The following GSDMB variants were observed in gnomAD, a reference collection of about 807,000 sequenced individuals.
GSDMB encodes gasdermin-B.
A neutral mutation model predicts 42.9 loss-of-function variants in GSDMB; 32 were observed. The ratio of observed to expected loss-of-function variants is 0.75; its 90% CI spans 0.56 to 1.00. The LOEUF (loss-of-function observed/expected upper bound fraction) is 1.00. Among genes scored for constraint, GSDMB ranks in the 50% least tolerant of loss-of-function variants. The probability of loss-of-function intolerance (pLI) is 0.00; values close to 1 mark genes in which losing one functional copy is unlikely to be tolerated. For synonymous variants in GSDMB, 175 were observed against 193.7 expected (o/e 0.90, Z 0.80); for missense variants, 468 against 498.5 (o/e 0.94, Z 0.58).
chr17:39,917,613 T>C (rs1738818178), intron 1 of GSDMB: 1 of 375,420 alleles, frequency 2.7e-6, no homozygotes, highest in Admixed American at 3.9e-5. Context: ...AGGTACTTTG[T>C]AATATTCTCC....
chr17:39,906,723 G>C (rs11078926), intron 7 of GSDMB: 20 of 1,242,906 alleles, frequency 1.6e-5, no homozygotes, highest in Non-Finnish European at 2.0e-5. Context: ...TTCTGGAGAC[G>C]GGACTCAGTC....
intron 3 of GSDMB, among the ~76,000 whole-genome samples, chr17:39,910,249 G>A (rs957771778): frequency 4.6e-5 from 7 of 152,220 alleles, no homozygotes; most frequent in African/African-American, 1.2e-4. Flanking sequence ...ACTTGAACCC[G>A]GGAGGCGGAG....
At chr17:39,907,030 T>G (rs776993890) in intron 6 of GSDMB, 43 bp from the exon 7 acceptor site, 9 of 1,613,304 alleles carry the variant, frequency 5.6e-6, no homozygotes, top group Non-Finnish European at 6.8e-6. Flanking sequence ...TCAGATCACC[T>G]CCAGTCCCCT....
At chr17:39,908,358 GTTT>G in intron 5 of GSDMB, 144 bp from the exon 6 acceptor site, 1 of 569,994 alleles carries the variant, frequency 1.8e-6, no homozygotes. Context: ...ACTGTTTTTT[GTTT>G]TTGTTTTTGT....
intron 2 of GSDMB, among the ~76,000 whole-genome samples, chr17:39,915,397 T>A (rs549880092): frequency 6.6e-6 from 1 of 152,370 alleles, no homozygotes; most frequent in African/African-American, 2.4e-5. Context: ...ATTTTCTTTT[T>A]AAGTTTGGTT....
chr17:39,912,519 T>A (rs746763419), intron 2 of GSDMB, 22 bp from the exon 3 acceptor site: 2 of 1,599,178 alleles, frequency 1.3e-6, no homozygotes, highest in South Asian at 2.2e-5. Flanking sequence ...ATGATAAAGG[T>A]CACTCTGGAG....
intron 2 of GSDMB, among the ~76,000 whole-genome samples, chr17:39,914,615 T>G (rs1017217486): frequency 4.6e-5 from 7 of 151,492 alleles, no homozygotes; most frequent in Admixed American, 2.0e-4. Flanking sequence ...TACAAAAAAT[T>G]TGCCAGGTGT....
At chr17:39,907,290 C>G in intron 6 of GSDMB, 1 of 893,122 alleles carries the variant, frequency 1.1e-6, no homozygotes, top group South Asian at 2.5e-5. Context: ...TTCTCTATCC[C>G]TTTCCAAGCT....
At chr17:39,915,130 C>T (rs1468007816) in intron 2 of GSDMB, among the ~76,000 whole-genome samples, 2 of 152,220 alleles carry the variant, frequency 1.3e-5, no homozygotes, top group South Asian at 2.1e-4. Flanking sequence ...CGCCATCATG[C>T]CCAGCTAATT....
Position 39,904,977 on chromosome 17 carries a change from C to T in GSDMB, c.1099-13G>A. 1 of 1,611,966 alleles carries T rather than the reference C, an allele frequency of 6.2e-7. No homozygotes were observed. Among genetic ancestry groups the T allele is most frequent in the Non-Finnish European group, 8.5e-7 (1 of 1,178,338 alleles). ...TGACAGATTTCACCTGGAAGGAAAC[C>T]CCCCAGATTGTAACAGCTAGGAACA... On this transcript the variant is annotated splice_polypyrimidine_tract_variant and intron_variant, in intron 10 of 10. Transcript: ENST00000418519.
intron 2 of GSDMB, among the ~76,000 whole-genome samples, chr17:39,913,037 G>A (rs1598278694): frequency 6.6e-6 from 1 of 152,098 alleles, no homozygotes; most frequent in African/African-American, 2.4e-5. Flanking sequence ...AACCCAGGAG[G>A]CGGAGGTTGC....
At chr17:39,908,820 C>A (rs1598275387) in intron 5 of GSDMB, 138 bp downstream of exon 5, 1 of 689,424 alleles carries the variant, frequency 1.5e-6, no homozygotes. Flanking sequence ...TGAACCCACC[C>A]TTTTCCCTGG....
Position 39,906,273 on chromosome 17 carries a change from T to G in GSDMB, c.728-2A>C. ...AATCCTCCGAACCCAAAGACTTTCCTGTAGAGGCAGCAATTGAGAACCTGG... is the reference window on the plus strand; with the variant it reads ...AATCCTCCGAACCCAAAGACTTTCCGGTAGAGGCAGCAATTGAGAACCTGG... On this transcript the variant is annotated splice_acceptor_variant, in intron 7 of 10. Transcript: ENST00000418519. LOFTEE classifies it high-confidence loss of function. The G allele has an allele frequency of 6.2e-7, 1 of 1,613,988 alleles. No homozygotes were observed. The highest frequency in any genetic ancestry group is 8.5e-7 in the Non-Finnish European group (1 of 1,179,950).
chr17:39,915,310 T>C (rs1250758750), intron 2 of GSDMB, among the ~76,000 whole-genome samples: 1 of 152,238 alleles, frequency 6.6e-6, no homozygotes, highest in Non-Finnish European at 1.5e-5. Flanking sequence ...ATTATACAGT[T>C]ACAAAATAAC....
intron 3 of GSDMB, 141 bp from the exon 4 acceptor site, chr17:39,910,065 G>T: frequency 2.9e-6 from 2 of 685,758 alleles, no homozygotes; most frequent in Non-Finnish European, 5.0e-6. Flanking sequence ...GCACCCCATC[G>T]CAGTTCACTT....
chr17:39,905,989 G>A lies in GSDMB; in HGVS notation c.889-4C>T. ...CGGAAATCAGGACCTCAGATACCTA[G>A]GGCCAGGAAGTGTGGGAGATGAGCA... On this transcript the variant is annotated splice_region_variant and splice_polypyrimidine_tract_variant and intron_variant, in intron 8 of 10. Coordinates refer to ENST00000418519, the MANE Select transcript of GSDMB (RefSeq NM_001165958.2). 6.2e-7 allele frequency: 1 copy of A among 1,613,824 alleles called. No individual in the cohort carries two copies. The highest frequency in any genetic ancestry group is 1.7e-5 in the Admixed American group (1 of 59,994).
chr17:39,906,527 G>GA (rs2063507959), intron 7 of GSDMB: 24 of 1,357,256 alleles, frequency 1.8e-5, no homozygotes, highest in Non-Finnish European at 2.2e-5. Flanking sequence ...CCACTTCCTG[G>GA]AAAAAAACAA....
rs752257405 is a variant in GSDMB, at chr17:39,908,226, C to T, written c.662-12G>A. 2 of 1,486,224 alleles carry T rather than the reference C, an allele frequency of 1.3e-6. No homozygotes were observed. Among genetic ancestry groups the T allele is most frequent in the African/African-American group, 2.8e-5 (2 of 71,158 alleles). The allele number at this position is 1,486,224 out of a possible 1,614,324, so 92.1% of individuals were successfully genotyped here. A position where few individuals can be genotyped will look rare whatever the true frequency, so the allele number is the denominator to read the frequency against. ...CCTGAAATGAATATCTAAACCAGCA[C>T]CAAAAAGGGAGGAAAAAACAAGTTA... On this transcript the variant is annotated splice_polypyrimidine_tract_variant and intron_variant, in intron 5 of 10. Transcript: ENST00000418519.
Position 39,905,903 on chromosome 17 carries a change from C to A in GSDMB, c.971G>T (p.Gly324Val). Residue 324 changes from glycine to valine, a missense_variant, in exon 9 of 11, where the codon GGG becomes GTG. Transcript: ENST00000418519. Reference sequence around the variant, plus strand: ...TTTTGCACGCGCTTCTACCAAGACCCCAGCAGCATTAAAAAGGCTGCTTAG... The same window carrying A: ...TTTTGCACGCGCTTCTACCAAGACCACAGCAGCATTAAAAAGGCTGCTTAG... ...PLLSSLFNAA[G>V]VLVEARAKAI... is the part of the protein sequence containing the mutation. 1 of 1,614,100 alleles carries A rather than the reference C, an allele frequency of 6.2e-7. No homozygotes were observed. Among genetic ancestry groups the A allele is most frequent in the Non-Finnish European group, 8.5e-7 (1 of 1,179,990 alleles).
Sources: gnomAD v4.1 joint callset for allele counts (sites outside exome capture counted in the v4.1 genomes callset) on GRCh38, gnomAD v4.1.1 for gene constraint, MANE v1.5 for transcripts, NCBI Gene and HGNC (gene_info 2026-07-23, HGNC 2026-07-21) for gene names.